GCLC: variants seen among roughly 807,000 people sequenced by gnomAD.
The protein encoded by GCLC is glutamate--cysteine ligase catalytic subunit.
GCLC carries 30 observed loss-of-function variants against 81.5 expected under a neutral mutation model. The observed-to-expected ratio is 0.37, with a 90% confidence interval of 0.28 to 0.50. GCLC has a LOEUF of 0.50. Ranked by LOEUF, GCLC falls within the 20% of genes least tolerant of loss-of-function variation. The pLI is 0.96. For missense variants in GCLC, 556 were observed against 777.4 expected (o/e 0.72, Z 3.39); for synonymous variants, 262 against 273.3 (o/e 0.96, Z 0.41).
chr6:53,498,669 G>A lies in GCLC; in HGVS notation c.*87C>T. Reference sequence around the variant, plus strand: ...AGAAAACAGTACAGTTCTATCATTTGGTCTTCATATTATACACACGGGCTG... The same window carrying A: ...AGAAAACAGTACAGTTCTATCATTTAGTCTTCATATTATACACACGGGCTG... On this transcript the variant is annotated 3_prime_UTR_variant, in exon 16 of 16. Transcript: ENST00000650454. 1.2e-6 allele frequency: 1 copy of A among 848,472 alleles called. No homozygotes were observed. The highest frequency in any genetic ancestry group is 2.0e-6 in the Non-Finnish European group (1 of 495,514). The allele number at this position is 848,472 out of a possible 1,614,324, so 52.6% of individuals were successfully genotyped here. A position where few individuals can be genotyped will look rare whatever the true frequency, so the allele number is the denominator to read the frequency against.
chr6:53,505,174 T>C (rs1224350488), intron 12 of GCLC: 5 of 515,556 alleles, frequency 9.7e-6, no homozygotes, highest in Non-Finnish European at 1.7e-5. Context: ...GAAATCAATG[T>C]GTAGGACTAC....
At chr6:53,539,591 G>A (rs143121048) in intron 1 of GCLC, among the ~76,000 whole-genome samples, 2,218 of 148,414 alleles carry the variant, frequency 0.015, 26 homozygotes, top group Middle Eastern at 0.085. Flanking sequence ...TACCTATGGC[G>A]CGTTTTAAGT....
At chr6:53,502,359 C>A (rs956212554) in intron 12 of GCLC, among the ~76,000 whole-genome samples, 7 of 152,198 alleles carry the variant, frequency 4.6e-5, no homozygotes, top group African/African-American at 1.7e-4. Flanking sequence ...CCTACTTATT[C>A]CCCTCTGGGA....
At chr6:53,507,421 A>T in intron 9 of GCLC, 59 bp downstream of exon 9, 1 of 1,588,812 alleles carries the variant, frequency 6.3e-7, no homozygotes, top group South Asian at 1.1e-5. Flanking sequence ...AAAGTGTAAA[A>T]GAGCTTTGAA....
At chr6:53,499,807 C>T (rs990932490) in intron 15 of GCLC, among the ~76,000 whole-genome samples, 1 of 152,092 alleles carries the variant, frequency 6.6e-6, no homozygotes, top group Non-Finnish European at 1.5e-5. Context: ...ATTTCATCAT[C>T]TAAGATGCCA....
chr6:53,511,212 T>G (rs985760941), intron 6 of GCLC, among the ~76,000 whole-genome samples: 1,048 of 101,516 alleles, frequency 0.01, no homozygotes, highest in Non-Finnish European at 0.014. Context: ...GGGGGGGGGG[T>G]GCTAAAGAGG....
At chr6:53,500,914 A>T (rs1381008188) in intron 12 of GCLC, 1 of 313,730 alleles carries the variant, frequency 3.2e-6, no homozygotes, top group African/African-American at 2.2e-5. Flanking sequence ...ACTAGAACCC[A>T]GTTCTTCTTC....
intron 3 of GCLC, among the ~76,000 whole-genome samples, chr6:53,519,232 A>C (rs570818): frequency 0.43 from 65,755 of 151,944 alleles, 14,484 homozygotes; most frequent in Admixed American, 0.53. Flanking sequence ...GCTTCCCTTT[A>C]CCCCATACCT....
At chr6:53,509,317 A>G in intron 6 of GCLC, 67 bp from the exon 7 acceptor site, 1 of 950,190 alleles carries the variant, frequency 1.1e-6, no homozygotes. Context: ...CAGTGAAGTC[A>G]GAGAAGGAAG....
At chr6:53,543,107 A>C (rs1416358863) in intron 1 of GCLC, among the ~76,000 whole-genome samples, 5 of 152,226 alleles carry the variant, frequency 3.3e-5, no homozygotes, top group Non-Finnish European at 7.3e-5. Flanking sequence ...TCATTCACTC[A>C]TTCATGCCAC....
chr6:53,508,509 G>A, intron 8 of GCLC, 86 bp downstream of exon 8: 1 of 842,364 alleles, frequency 1.2e-6, no homozygotes, highest in Non-Finnish European at 2.1e-6. Flanking sequence ...AAATTGCAGG[G>A]AGACATCCTG....
chr6:53,535,943 G>C (rs1763249852), intron 1 of GCLC, among the ~76,000 whole-genome samples: 1 of 152,166 alleles, frequency 6.6e-6, no homozygotes, highest in African/African-American at 2.4e-5. Context: ...GCTACTCCTA[G>C]GGTAATAAGA....
rs1245870314 is a variant in GCLC, at chr6:53,505,910, C to T, written c.1198-15G>A. On this transcript the variant is annotated splice_polypyrimidine_tract_variant and intron_variant, in intron 10 of 15. Transcript: ENST00000650454. ...GACTGAATATTCTGTGATACAAAAG[C>T]AGAGAAGAAAACCAACTTTTCACAC... 4 of 1,552,822 alleles carry T rather than the reference C, an allele frequency of 2.6e-6. No homozygotes were observed. The African/African-American group carries it at 5.4e-5, about 21-fold the overall frequency.
rs146060256 is a variant in GCLC, at chr6:53,500,344, T to C, written c.1484A>G (p.Asn495Ser). 85 of 1,614,032 alleles carry C rather than the reference T, an allele frequency of 5.3e-5. No individual in the cohort carries two copies. The highest frequency in any genetic ancestry group is 6.6e-5 in the Non-Finnish European group (78 of 1,179,990). The change falls in exon 14 of 16, where the codon AAT becomes AGT. Residue 495 changes from asparagine (N) to serine (S), a missense_variant. Asn to Ser is a conservative substitution (Grantham distance 46). Coordinates refer to ENST00000650454, the MANE Select transcript of GCLC (RefSeq NM_001498.4). ...CTTGCCACAACCATCCACCACTGCA[T>C]TGCCACCTGCCGGAGAAGAGGGTCA... ...YFRKDICKGG[N>S]AVVDGCGKAQ...
At chr6:53,520,235 T>A (rs1262155596) in intron 3 of GCLC, among the ~76,000 whole-genome samples, 1 of 152,266 alleles carries the variant, frequency 6.6e-6, no homozygotes, top group African/African-American at 2.4e-5. Flanking sequence ...CTAAATCTTC[T>A]TTTCAGAACA....
rs747248021 is a variant in GCLC, at chr6:53,516,217, C to G, written c.452G>C (p.Gly151Ala). The G allele has an allele frequency of 6.3e-7, 1 of 1,594,492 alleles. No homozygotes were observed. Among genetic ancestry groups the G allele is most frequent in the South Asian group, 1.1e-5 (1 of 90,712 alleles). ...LCTITSFPRL[G>A]CPGFTLPEVK... is the part of the protein sequence containing the mutation. ...CTCGGGCAGTGTGAACCCAGGACAG[C>G]CTAATCTACAACAAATTGAAGAACT... The change falls in exon 4 of 16, where the codon GGC becomes GCC. Residue 151 changes from glycine to alanine, a missense_variant. Gly to Ala is a moderately conservative substitution (Grantham distance 60). Transcript: ENST00000650454.
Position 53,543,194 on chromosome 6 carries a change from C to G in GCLC, c.150+1302G>C, listed in dbSNP as rs17880146. ...GAGGTGAACAAGCATAATGTCCCTG[C>G]CCAATTTCGTCTTACATTTTCCTGT... On this transcript the variant is annotated intron_variant, in intron 1 of 15. Transcript: ENST00000650454. Among the ~76,000 whole-genome samples, 648 of 152,254 alleles carry G rather than the reference C, an allele frequency of 4.3e-3. 2 individuals are homozygous for G. The highest frequency in any genetic ancestry group is 7.9e-3 in the South Asian group (38 of 4,828).
Position 53,506,848 on chromosome 6 carries a change from A to G in GCLC, c.1197+65T>C. 1.1e-6 allele frequency: 1 copy of G among 871,344 alleles called. No homozygotes were observed. 54.0% of individuals were successfully genotyped at this position (871,344 alleles called of 1,614,324 possible). A position where few individuals can be genotyped will look rare whatever the true frequency, so the allele number is the denominator to read the frequency against. Reference sequence around the variant, plus strand: ...GGTTTGTGAAGTGAAATGCATATAAAACAGAGGATTCCAGACTCTCAGAAG... The same window carrying G: ...GGTTTGTGAAGTGAAATGCATATAAGACAGAGGATTCCAGACTCTCAGAAG... On this transcript the variant is annotated intron_variant, in intron 10 of 15. Transcript: ENST00000650454. This position sits in a 1 kb window ranked among gnomAD's most constrained non-coding sequence, Gnocchi z 4.0.
intron 5 of GCLC, 44 bp downstream of exon 5, chr6:53,514,395 A>G (rs17885705): frequency 6.3e-7 from 1 of 1,592,552 alleles, no homozygotes; most frequent in Admixed American, 1.7e-5. Context: ...AAACAACAAT[A>G]CAACATGTCT....
Sources: allele counts gnomAD v4.1 joint callset (sites outside exome capture counted in the v4.1 genomes callset), GRCh38; gene constraint gnomAD v4.1.1; non-coding constraint Gnocchi (gnomAD v3.1); transcripts MANE v1.5; gene names NCBI Gene and HGNC (gene_info 2026-07-23, HGNC 2026-07-21).